PSD: variants seen among roughly 807,000 people sequenced by gnomAD.
The protein encoded by PSD is PH and SEC7 domain-containing protein 1.
A neutral mutation model predicts 91.6 loss-of-function variants in PSD; 32 were observed. The observed-to-expected ratio is 0.35, with a 90% CI of 0.26 to 0.47. PSD has a LOEUF of 0.47. Among genes scored for constraint, PSD ranks in the 20% least tolerant of loss-of-function variants. The pLI, the probability that PSD is intolerant of heterozygous loss-of-function variation, is 1.00. For synonymous variants in PSD, 532 were observed against 569.3 expected, an observed-to-expected ratio of 0.93 and a Z score of 0.93; for missense variants, 1,099 against 1,373.9, an observed-to-expected ratio of 0.80 and a Z score of 3.16.
At chr10:102,411,196 TC>T in intron 8 of PSD, 80 bp from the exon 9 acceptor site, 1 of 1,408,548 alleles carries the variant, frequency 7.1e-7, no homozygotes. Flanking sequence ...TCCCATTTCA[TC>T]CCCACCCCCT....
chr10:102,403,488 C>T lies in PSD; in HGVS notation c.2845-58G>A, dbSNP rs1293829756. ...CTTCTCTGCCTTCTGCCCACCCCACCATCTGGACCAGGGAGGGCCGCCAGC... is the reference window on the plus strand; with the variant it reads ...CTTCTCTGCCTTCTGCCCACCCCACTATCTGGACCAGGGAGGGCCGCCAGC... On this transcript the variant is annotated intron_variant, in intron 16 of 16. Coordinates refer to ENST00000020673, the MANE Select transcript of PSD (RefSeq NM_002779.5). This position sits in a 1 kb window ranked among gnomAD's most constrained non-coding sequence, Gnocchi z 6.7. The T allele has an allele frequency of 2.7e-6, 4 of 1,489,140 alleles. No homozygotes were observed. The Admixed American group carries it at 7.7e-5, about 29-fold the overall frequency. The allele number at this position is 1,489,140 out of a possible 1,614,324, so 92.2% of individuals were successfully genotyped here.
chr10:102,417,035 C>A lies in PSD; in HGVS notation c.4G>T (p.Ala2Ser). 1 of 1,554,348 alleles carries A rather than the reference C, an allele frequency of 6.4e-7. No homozygotes were observed. The highest frequency in any genetic ancestry group is 8.6e-7 in the Non-Finnish European group (1 of 1,158,772). ...GAGCAGAAGCGCATGGCACCCTGGG[C>A]CATGCTGGGGCCGGGGGTCAGGCTG... M[A>S]QGAMRFCSEG... The change falls in exon 2 of 17, where the codon GCC becomes TCC. Residue 2 changes from alanine to serine, a missense_variant. By Grantham distance (99) the Ala-to-Ser change is moderately conservative. Transcript: ENST00000020673.
rs1166160942 is a variant in PSD at position 102,404,905 on chromosome 10, G to A, written c.2548C>T (p.Gln850Ter). 6.2e-7 allele frequency: 1 copy of A among 1,612,936 alleles called. No homozygotes were observed. The highest frequency in any genetic ancestry group is 1.1e-5 in the South Asian group (1 of 91,000). Residue 850 changes from glutamine (Q) to a stop codon, truncating the protein, a stop_gained, in exon 14 of 17, where the codon CAG (glutamine) becomes TAG (stop). Transcript: ENST00000020673. LOFTEE classifies it high-confidence loss of function. The surrounding 1 kb of genome is among the most constrained non-coding windows in gnomAD (Gnocchi z 5.7). ...CAGGAGGAGGGCACTCACGGGGCCT[G>A]GAAGAGGAAGACCCGCCAGTCAGCT... ...RTADWRVFLF[Q>*]APSLEQMQSW... is the part of the protein sequence containing the mutation.
At position 102,405,701 on chromosome 10, in the gene PSD, T is replaced by G; in HGVS notation, c.2136-165A>C. On this transcript the variant is annotated intron_variant, in intron 11 of 16. Coordinates refer to ENST00000020673, the MANE Select transcript of PSD (RefSeq NM_002779.5). The surrounding 1 kb of genome is among the most constrained non-coding windows in gnomAD (Gnocchi z 5.4). ...CGTCTCAGATCAGGCCTCCACAATG[T>G]GTAGCTGTGCCTCCTCAGAGCAGGG... The G allele has an allele frequency of 4.6e-6, 3 of 652,638 alleles. No individual in the cohort carries two copies. The highest frequency in any genetic ancestry group is 7.8e-6 in the Non-Finnish European group (3 of 384,744). The allele number at this position is 652,638 out of a possible 1,614,324, so 40.4% of individuals were successfully genotyped here.
Position 102,409,036 on chromosome 10 carries a change from C to A in PSD, c.2092-1770G>T. The A allele has an allele frequency of 1.0e-6, 1 of 986,510 alleles. No individual in the cohort carries two copies. The highest frequency in any genetic ancestry group is 1.2e-6 in the Non-Finnish European group (1 of 830,018). 61.1% of individuals were successfully genotyped at this position (986,510 alleles called of 1,614,324 possible). ...GGGTGCGCCCGTAGCGCACGGAGCA[C>A]AGCGAGCGCGAGCGCAGCCGCCCGG... On this transcript the variant is annotated intron_variant, in intron 10 of 16. Coordinates refer to ENST00000020673, the MANE Select transcript of PSD (RefSeq NM_002779.5). The surrounding 1 kb of genome is among the most constrained non-coding windows in gnomAD (Gnocchi z 5.7).
chr10:102,414,113 A>G lies in PSD; in HGVS notation c.1209T>C (p.Ser403=), dbSNP rs777166348. 3.1e-6 allele frequency: 5 copies of G among 1,614,042 alleles called. No individual in the cohort carries two copies. Among genetic ancestry groups the G allele is most frequent in the South Asian group, 2.2e-5 (2 of 91,080 alleles). The change falls in exon 5 of 17, where the codon AGT becomes AGC. Residue 403 remains serine (S), a synonymous_variant. Transcript: ENST00000020673. This position sits in a 1 kb window ranked among gnomAD's most constrained non-coding sequence, Gnocchi z 5.6. ...ACTCCAGGATGGCTTCGAACACACAACTGAAAGAGTCAGGCCCATCAGCCG... is the reference window on the plus strand; with the variant it reads ...ACTCCAGGATGGCTTCGAACACACAGCTGAAAGAGTCAGGCCCATCAGCCG... ...SPSADGPDSF[S]CVFEAILESH... is the part of the protein sequence containing the mutation.
intron 1 of PSD, 47 bp downstream of exon 1, chr10:102,418,654 A>C: frequency 2.2e-6 from 1 of 450,830 alleles, no homozygotes; most frequent in South Asian, 1.6e-5. Flanking sequence ...ACGGGGTCCC[A>C]GCGCATACCC....
At chr10:102,417,435 T>C (rs1468477841) in intron 1 of PSD, among the ~76,000 whole-genome samples, 1 of 152,040 alleles carries the variant, frequency 6.6e-6, no homozygotes, top group Admixed American at 6.6e-5. Context: ...GAGCTACTTC[T>C]AGAATAGGGG....
rs1433081931 is a variant in PSD, at chr10:102,403,276, G to A, written c.2999C>T (p.Pro1000Leu). The change falls in exon 17 of 17, where the codon CCC becomes CTC. Residue 1000 changes from proline to leucine, a missense_variant. Physicochemically the swap from Pro to Leu is moderately conservative, Grantham distance 98. Coordinates refer to ENST00000020673, the MANE Select transcript of PSD (RefSeq NM_002779.5). The surrounding 1 kb of genome is among the most constrained non-coding windows in gnomAD (Gnocchi z 6.7). The stretch of plus-strand genomic sequence containing the variant: ...ACGCTGAGCCCGGGGCTGGCTGGAG[G>A]GTTTGGGCTGCAGGGAGGGACTGGA... ...SHSSPSLQPK[P>L]SSQPRAQRHS... The A allele has an allele frequency of 6.2e-7, 1 of 1,613,228 alleles. No homozygotes were observed.
At position 102,402,685 on chromosome 10, in the gene PSD, A is replaced by G; in HGVS notation, c.*515T>C. ...AGGGCAAGGCCCACTGAAGCGGGGG[A>G]AAGCCAGGCCGTGCTGCCCCCGGCC... is the stretch of plus-strand genomic sequence containing the variant. On this transcript the variant is annotated 3_prime_UTR_variant, in exon 17 of 17. Transcript: ENST00000020673. The G allele has an allele frequency of 3.1e-6, 1 of 323,980 alleles. No homozygotes were observed. Among genetic ancestry groups the G allele is most frequent in the Middle Eastern group, 8.4e-4 (1 of 1,192 alleles). 20.1% of individuals were successfully genotyped at this position (323,980 alleles called of 1,614,324 possible). A position where few individuals can be genotyped will look rare whatever the true frequency, so the allele number is the denominator to read the frequency against.
chr10:102,416,541 G>A lies in PSD; in HGVS notation c.498C>T (p.Ala166=). The A allele has an allele frequency of 6.2e-7, 1 of 1,608,898 alleles. No individual in the cohort carries two copies. Among genetic ancestry groups the A allele is most frequent in the Non-Finnish European group, 8.5e-7 (1 of 1,177,632 alleles). The part of the protein sequence containing the change: ...SDPLPARGGS[A]LPGSRNLVHG... Reference sequence around the variant, plus strand: ...GTACAAGGTTCCGGCTGCCAGGTAGGGCCGAGCCTCCTCTGGCGGGGAGTG... The same window carrying A: ...GTACAAGGTTCCGGCTGCCAGGTAGAGCCGAGCCTCCTCTGGCGGGGAGTG... The change falls in exon 2 of 17, where the codon GCC becomes GCT. Residue 166 remains alanine (A), a synonymous_variant. Transcript: ENST00000020673. The surrounding 1 kb of genome is among the most constrained non-coding windows in gnomAD (Gnocchi z 6.0).
In PSD at chr10:102,415,168, A is replaced by C. The variant is rs748763157; in HGVS notation, c.819T>G (p.Ser273=). The C allele has an allele frequency of 4.0e-5, 64 of 1,613,148 alleles. No homozygotes were observed. Among genetic ancestry groups the C allele is most frequent in the Admixed American group, 2.5e-4 (15 of 60,002 alleles). The change falls in exon 4 of 17, where the codon TCT becomes TCG. Residue 273 remains serine (S), a synonymous_variant. Transcript: ENST00000020673. ...SPPGVGSRQG[S]GVAVGRAAKY... The stretch of plus-strand genomic sequence containing the variant: ...TGGCTGCTCGCCCCACAGCCACCCC[A>C]GAGCCCTGCCTTGAGCCCACCCCAG...
In PSD at chr10:102,416,380, C is replaced by T; in HGVS notation, c.654+5G>A. The T allele has an allele frequency of 2.5e-6, 4 of 1,593,054 alleles. No individual in the cohort carries two copies. Among genetic ancestry groups the T allele is most frequent in the Non-Finnish European group, 3.4e-6 (4 of 1,170,670 alleles). Reference sequence around the variant, plus strand: ...GGCCCAGGGAGCCCAGGGGAAGTTGCATACCTGGTTCAGGAATCCAGTGTC... The same window carrying T: ...GGCCCAGGGAGCCCAGGGGAAGTTGTATACCTGGTTCAGGAATCCAGTGTC... On this transcript the variant is annotated splice_donor_5th_base_variant and intron_variant, in intron 2 of 16. Coordinates refer to ENST00000020673, the MANE Select transcript of PSD (RefSeq NM_002779.5). This position sits in a 1 kb window ranked among gnomAD's most constrained non-coding sequence, Gnocchi z 6.0.
At position 102,404,660 on chromosome 10, in the gene PSD, G is replaced by A; in HGVS notation, c.2623C>T (p.Pro875Ser). Residue 875 changes from proline (P) to serine (S), a missense_variant, in exon 15 of 17, where the codon CCC becomes TCC. This residue lies in a region of PSD where 358 missense variants were observed against 426.5 expected (regional missense o/e 0.84). Coordinates refer to ENST00000020673, the MANE Select transcript of PSD (RefSeq NM_002779.5). This position sits in a 1 kb window ranked among gnomAD's most constrained non-coding sequence, Gnocchi z 5.7. ...NVVAAMFSAPPFPAAVSSQKK... is the reference protein window; with the variant it reads ...NVVAAMFSAPSFPAAVSSQKK... ...TGGGAGCTAACAGCAGCTGGGAAGGGGGGCGCAGAGAACATAGCGGCTACT... is the reference window on the plus strand; with the variant it reads ...TGGGAGCTAACAGCAGCTGGGAAGGAGGGCGCAGAGAACATAGCGGCTACT... The A allele has an allele frequency of 6.2e-7, 1 of 1,611,754 alleles. No individual in the cohort carries two copies.
chr10:102,410,762 GC>G lies in PSD; in HGVS notation c.2091+95del. ...CGTGGCAGGAGCCGGGGGTCGGCAA[GC>G]CCCAGCCCTGCCCTCCCTCCGACTC... On this transcript the variant is annotated intron_variant, in intron 10 of 16. Coordinates refer to ENST00000020673, the MANE Select transcript of PSD (RefSeq NM_002779.5). This position sits in a 1 kb window ranked among gnomAD's most constrained non-coding sequence, Gnocchi z 6.0. 1.0e-6 allele frequency: 1 copy of G among 968,540 alleles called. No homozygotes were observed. The allele number at this position is 968,540 out of a possible 1,614,324, so 60.0% of individuals were successfully genotyped here.
rs1027713736 is a variant in PSD, at chr10:102,410,627, C to A, written c.2091+231G>T. ...GTTTTCCAGAGCCGGGTCCCCTCCC[C>A]CGCCGTGCGCAGTCGCGACCGCACG... On this transcript the variant is annotated intron_variant, in intron 10 of 16. Transcript: ENST00000020673. This position sits in a 1 kb window ranked among gnomAD's most constrained non-coding sequence, Gnocchi z 6.0. Among the ~76,000 whole-genome samples the A allele has an allele frequency of 3.9e-4, 59 of 152,222 alleles. No individual in the cohort carries two copies. The highest frequency in any genetic ancestry group is 1.3e-3 in the African/African-American group (53 of 41,460).
At position 102,402,675 on chromosome 10, in the gene PSD, G is replaced by T; in HGVS notation, c.*525C>A. 1 of 334,112 alleles carries T rather than the reference G, an allele frequency of 3.0e-6. No homozygotes were observed. Among genetic ancestry groups the T allele is most frequent in the Non-Finnish European group, 5.5e-6 (1 of 183,424 alleles). 20.7% of individuals were successfully genotyped at this position (334,112 alleles called of 1,614,324 possible). On this transcript the variant is annotated 3_prime_UTR_variant, in exon 17 of 17. Coordinates refer to ENST00000020673, the MANE Select transcript of PSD (RefSeq NM_002779.5). Reference sequence around the variant, plus strand: ...GGCTGTACAAAGGGCAAGGCCCACTGAAGCGGGGGAAAGCCAGGCCGTGCT... The same window carrying T: ...GGCTGTACAAAGGGCAAGGCCCACTTAAGCGGGGGAAAGCCAGGCCGTGCT...
rs1324144567 is a variant in PSD, at chr10:102,403,023, CT to C, written c.*176del. On this transcript the variant is annotated 3_prime_UTR_variant, in exon 17 of 17. Coordinates refer to ENST00000020673, the MANE Select transcript of PSD (RefSeq NM_002779.5). The surrounding 1 kb of genome is among the most constrained non-coding windows in gnomAD (Gnocchi z 6.7). ...CAAAAAGGGGCTCTCGGAGGTGCCC[CT>C]AGCCTAGGCTCCTGAGGCCCAGGCC... is the stretch of plus-strand genomic sequence containing the variant. The C allele has an allele frequency of 1.4e-5, 6 of 419,402 alleles. No homozygotes were observed. The highest frequency in any genetic ancestry group is 2.5e-5 in the Non-Finnish European group (6 of 242,802). 26.0% of individuals were successfully genotyped at this position (419,402 alleles called of 1,614,324 possible). A position where few individuals can be genotyped will look rare whatever the true frequency, so the allele number is the denominator to read the frequency against.
chr10:102,407,586 G>A (rs2061376992), intron 10 of PSD, among the ~76,000 whole-genome samples: 1 of 152,082 alleles, frequency 6.6e-6, no homozygotes, highest in Non-Finnish European at 1.5e-5. Context: ...TTGTTAAGGG[G>A]CTGTCCTGCT....
Sources: gnomAD v4.1 joint callset for allele counts (sites outside exome capture counted in the v4.1 genomes callset) on GRCh38, gnomAD v4.1.1 for gene constraint, gnomAD v4.1.1 regional missense constraint, Gnocchi (gnomAD v3.1) non-coding constraint, MANE v1.5 for transcripts, NCBI Gene and HGNC (gene_info 2026-07-23, HGNC 2026-07-21) for gene names.